Variants in EPHA6 observed in about 807,000 individuals in gnomAD.
EPHA6 encodes the protein EPH receptor A6.
In EPHA6, 50 loss-of-function variants were observed where a neutral mutation model predicts 112.0. That is an observed-to-expected ratio of 0.45 (90% confidence interval 0.36 to 0.56). The LOEUF is 0.56. EPHA6 is among the 20% of genes least tolerant of loss of function. The pLI is 0.00. For synonymous variants in EPHA6, 529 were observed against 490.7 expected (o/e 1.08, Z -1.03); for missense variants, 1,280 against 1,417.4 (o/e 0.90, Z 1.56).
At chr3:96,840,467 A>G (rs968235341) in intron 1 of EPHA6, among the ~76,000 whole-genome samples, 3 of 152,036 alleles carry the variant, frequency 2.0e-5, no homozygotes, top group Admixed American at 6.6e-5. Flanking sequence ...AACCACTCTC[A>G]CAGGAAGTTT....
At chr3:97,197,585 C>T (rs1408557903) in intron 3 of EPHA6, among the ~76,000 whole-genome samples, 1 of 151,370 alleles carries the variant, frequency 6.6e-6, no homozygotes, top group Admixed American at 6.6e-5. Flanking sequence ...CTTTCTTTTT[C>T]TCAAGCAGAA....
intron 11 of EPHA6, among the ~76,000 whole-genome samples, chr3:97,542,383 T>C (rs370749257): frequency 6.8e-4 from 104 of 152,292 alleles, no homozygotes; most frequent in African/African-American, 2.2e-3. Flanking sequence ...CTGAGAATGA[T>C]GGTTTCCAGT....
intron 3 of EPHA6, among the ~76,000 whole-genome samples, chr3:97,161,734 A>C (rs2076420677): frequency 6.6e-6 from 1 of 152,160 alleles, no homozygotes; most frequent in Non-Finnish European, 1.5e-5. Flanking sequence ...AATTTTTGTC[A>C]TATTTATTTA....
intron 2 of EPHA6, among the ~76,000 whole-genome samples, chr3:96,941,259 T>C (rs1183115325): frequency 6.6e-6 from 1 of 152,212 alleles, no homozygotes; most frequent in Non-Finnish European, 1.5e-5. Flanking sequence ...ATTTGTTCTT[T>C]TCACATAGTC....
Position 97,585,856 on chromosome 3 carries a change from T to C in EPHA6, c.2387-6756T>C, listed in dbSNP as rs1354509199. ...AAAATTATTTGATTTTCTATTTTTGTATTAAAAATGTATGTCATAGGTTAA... is the reference window on the plus strand; with the variant it reads ...AAAATTATTTGATTTTCTATTTTTGCATTAAAAATGTATGTCATAGGTTAA... On this transcript the variant is annotated intron_variant, in intron 11 of 17. Coordinates refer to ENST00000389672, the MANE Select transcript of EPHA6 (RefSeq NM_001080448.3). 3.0e-3 allele frequency among the ~76,000 whole-genome samples: 459 copies of C among 152,136 alleles called. 4 individuals are homozygous for C. The highest frequency in any genetic ancestry group is 0.011 in the African/African-American group (442 of 41,374).
intron 5 of EPHA6, among the ~76,000 whole-genome samples, chr3:97,403,194 A>G (rs2087105598): frequency 6.6e-6 from 1 of 152,138 alleles, no homozygotes; most frequent in South Asian, 2.1e-4. Context: ...CAAAATTACA[A>G]TACCAATACT....
chr3:96,933,455 G>T (rs536136133), intron 2 of EPHA6, among the ~76,000 whole-genome samples: 3 of 152,072 alleles, frequency 2.0e-5, no homozygotes, highest in East Asian at 3.9e-4. Flanking sequence ...TCATGATTTT[G>T]GAATGTAGAC....
intron 3 of EPHA6, among the ~76,000 whole-genome samples, chr3:97,119,844 C>A (rs2047993374): frequency 6.6e-6 from 1 of 151,968 alleles, no homozygotes; most frequent in South Asian, 2.1e-4. Context: ...TCTTCCTCTG[C>A]AGAAGCTCTG....
intron 5 of EPHA6, among the ~76,000 whole-genome samples, chr3:97,373,281 T>C (rs1235481616): frequency 6.6e-6 from 1 of 152,118 alleles, no homozygotes; most frequent in East Asian, 1.9e-4. Flanking sequence ...TCCATTTCTG[T>C]TCGTTTTGTA....
At chr3:97,460,979 GAGA>G (rs1399989710) in intron 7 of EPHA6, among the ~76,000 whole-genome samples, 1 of 152,134 alleles carries the variant, frequency 6.6e-6, no homozygotes, top group Non-Finnish European at 1.5e-5. Flanking sequence ...GAGTAAAGCT[GAGA>G]AGGAGGATAG....
chr3:97,735,968 T>G lies in EPHA6; in HGVS notation c.2978T>G (p.Met993Arg), dbSNP rs1239177547. The change falls in exon 16 of 18, where the codon ATG (methionine) becomes AGG (arginine). Residue 993 changes from methionine to arginine, a missense_variant. Physicochemically the swap from Met to Arg is moderately conservative, Grantham distance 91. Coordinates refer to ENST00000389672, the MANE Select transcript of EPHA6 (RefSeq NM_001080448.3). ...GAAGGGTACAGACTTCCAGCTCCCA[T>G]GGGCTGTCCAGCATCTCTACACCAG... ...IEEGYRLPAP[M>R]GCPASLHQLM... 6.2e-7 allele frequency: 1 copy of G among 1,612,492 alleles called. No individual in the cohort carries two copies.
At chr3:96,977,381 AG>A (rs1471083681) in intron 2 of EPHA6, among the ~76,000 whole-genome samples, 1 of 152,136 alleles carries the variant, frequency 6.6e-6, no homozygotes, top group Non-Finnish European at 1.5e-5. Flanking sequence ...AAAGGGTAAA[AG>A]GGGGGTGGAT....
At chr3:97,410,065 T>A (rs1019061094) in intron 6 of EPHA6, among the ~76,000 whole-genome samples, 1 of 152,092 alleles carries the variant, frequency 6.6e-6, no homozygotes, top group African/African-American at 2.4e-5. Flanking sequence ...GAAATATTTT[T>A]ATCAATCAGG....
chr3:97,637,747 T>G, intron 13 of EPHA6, 126 bp from the exon 14 acceptor site: 1 of 702,792 alleles, frequency 1.4e-6, no homozygotes, highest in Non-Finnish European at 2.4e-6. Flanking sequence ...ATATAGTCAG[T>G]GATCACCAAA....
intron 1 of EPHA6, among the ~76,000 whole-genome samples, chr3:96,820,386 G>T (rs989151659): frequency 2.0e-5 from 3 of 151,972 alleles, no homozygotes; most frequent in African/African-American, 7.2e-5. Context: ...GTAGAATTGG[G>T]AGTCAGTTGC....
At chr3:97,119,374 T>C (rs1419700109) in intron 3 of EPHA6, among the ~76,000 whole-genome samples, 12 of 152,146 alleles carry the variant, frequency 7.9e-5, no homozygotes, top group African/African-American at 1.9e-4. Flanking sequence ...CTTGATGAAA[T>C]AGACAAAATG....
chr3:97,663,325 CT>C (rs1030760640), intron 14 of EPHA6, among the ~76,000 whole-genome samples: 3 of 149,462 alleles, frequency 2.0e-5, no homozygotes, highest in African/African-American at 7.4e-5. Flanking sequence ...CTTTTTTTTT[CT>C]TTTTTTATAT....
At chr3:97,347,833 A>T (rs2083605801) in intron 5 of EPHA6, among the ~76,000 whole-genome samples, 1 of 152,060 alleles carries the variant, frequency 6.6e-6, no homozygotes, top group Admixed American at 6.6e-5. Flanking sequence ...TGGCAAGTAC[A>T]TTTTCACATA....
intron 2 of EPHA6, among the ~76,000 whole-genome samples, chr3:96,879,966 G>A (rs1031163984): frequency 3.3e-5 from 5 of 151,876 alleles, no homozygotes; most frequent in African/African-American, 1.2e-4. Context: ...GGATAGGAGG[G>A]GGCAGTGAAG....
Sources: allele counts gnomAD v4.1 joint callset (sites outside exome capture counted in the v4.1 genomes callset), GRCh38; gene constraint gnomAD v4.1.1; transcripts MANE v1.5; gene names NCBI Gene and HGNC (gene_info 2026-07-23, HGNC 2026-07-21).